The following KCNK2 variants were observed in gnomAD, a reference collection of about 807,000 sequenced individuals.
KCNK2 encodes the protein potassium channel subfamily K member 2.
Under a neutral mutation model 40.5 loss-of-function variants are expected in KCNK2, and 21 were observed. The observed-to-expected ratio is 0.52, with a 90% CI of 0.37 to 0.75. The LOEUF is 0.75. Ranked by LOEUF, KCNK2 falls within the 30% of genes least tolerant of loss-of-function variation. KCNK2 has a pLI of 0.00. For synonymous variants in KCNK2, 191 were observed against 202.2 expected (o/e 0.94, Z 0.47); for missense variants, 399 against 531.6 (o/e 0.75, Z 2.45).
rs66479154 is a variant in KCNK2 at position 215,030,709 on chromosome 1, A to AT, written c.34+24771dup. Among the ~76,000 whole-genome samples, 172 of 140,248 alleles carry AT rather than the reference A, an allele frequency of 1.2e-3. 1 individual carries two copies. Among genetic ancestry groups the AT allele is most frequent in the Middle Eastern group, 3.6e-3 (1 of 276 alleles). The allele number at this position is 140,248 out of a possible 152,430, so 92.0% of individuals were successfully genotyped here. On this transcript the variant is annotated intron_variant, in intron 1 of 6. Coordinates refer to the KCNK2 transcript ENST00000391895. ...ACCACCATACCAAGTTAATTTTTGT[A>AT]TTTTTTTTTTTTTTTTTGGTAGAGA...
At chr1:215,029,852 C>T (rs540016906) in intron 1 of KCNK2, among the ~76,000 whole-genome samples, 1 of 151,972 alleles carries the variant, frequency 6.6e-6, no homozygotes, top group Non-Finnish European at 1.5e-5. Context: ...CAAGTTTTGA[C>T]AATAACGAAT....
chr1:215,107,290 G>C (rs1455398360), intron 2 of KCNK2, among the ~76,000 whole-genome samples: 1 of 151,942 alleles, frequency 6.6e-6, no homozygotes, highest in Non-Finnish European at 1.5e-5. Flanking sequence ...TCTCCTTGTA[G>C]AGACCTTTCA....
chr1:215,089,189 C>G (rs1214113814), intron 2 of KCNK2, among the ~76,000 whole-genome samples: 5 of 152,106 alleles, frequency 3.3e-5, no homozygotes, highest in Non-Finnish European at 5.9e-5. Context: ...CCTCGTAAGT[C>G]TATCTATTGG....
At chr1:215,044,790 AGTGTAT>A (rs1657689065) in intron 1 of KCNK2, among the ~76,000 whole-genome samples, 10 of 110,332 alleles carry the variant, frequency 9.1e-5, no homozygotes, top group African/African-American at 3.3e-4. Context: ...CTTGGGGATA[AGTGTAT>A]GTGTGTGTGT....
intron 6 of KCNK2, among the ~76,000 whole-genome samples, chr1:215,211,456 T>G (rs1393248903): frequency 6.6e-6 from 1 of 152,144 alleles, no homozygotes; most frequent in Non-Finnish European, 1.5e-5. Context: ...CAAGCACCCT[T>G]GGTTCTCCCT....
intron 1 of KCNK2, among the ~76,000 whole-genome samples, chr1:215,075,281 T>A (rs1000109593): frequency 6.6e-6 from 1 of 152,214 alleles, no homozygotes; most frequent in Non-Finnish European, 1.5e-5. Context: ...TTGTTGAATG[T>A]CATATATTTT....
intron 5 of KCNK2, among the ~76,000 whole-genome samples, chr1:215,184,613 T>C (rs1321547038): frequency 6.6e-6 from 1 of 152,106 alleles, no homozygotes; most frequent in African/African-American, 2.4e-5. Flanking sequence ...CTTCTTCACA[T>C]AGTGACAGGG....
At chr1:215,082,699 G>T (rs995311311), upstream of KCNK2, among the ~76,000 whole-genome samples, 9 of 151,972 alleles carry the variant, frequency 5.9e-5, no homozygotes, top group Admixed American at 3.9e-4. Flanking sequence ...GAGACAGGAG[G>T]GGGAGGAGGC....
chr1:215,236,056 CTATCTATCT>C lies in KCNK2; in HGVS notation c.*912_*920del, dbSNP rs1666873018. On this transcript the variant is annotated 3_prime_UTR_variant, in exon 7 of 7. Coordinates refer to ENST00000444842, the MANE Select transcript of KCNK2 (RefSeq NM_001017425.3). ...AGGCAGAAGAAGAAAATCTATCTAT[CTATCTATCT>C]ATCTATCTATCTATCTATCTATCTA... 1.8e-4 allele frequency: 7 copies of C among 39,310 alleles called. No individual in the cohort carries two copies. The highest frequency in any genetic ancestry group is 5.3e-4 in the African/African-American group (7 of 13,160). 2.4% of individuals were successfully genotyped at this position (39,310 alleles called of 1,614,324 possible).
intron 6 of KCNK2, among the ~76,000 whole-genome samples, chr1:215,209,338 AT>A (rs1432690879): frequency 5.1e-5 from 5 of 97,656 alleles, no homozygotes; most frequent in African/African-American, 2.0e-4. Flanking sequence ...TTTTATATAT[AT>A]AATATATATA....
intron 6 of KCNK2, among the ~76,000 whole-genome samples, chr1:215,218,489 A>G (rs1178198646): frequency 6.6e-6 from 1 of 152,228 alleles, no homozygotes. Context: ...AGCTCATGCC[A>G]GAATCCTCTC....
intron 2 of KCNK2, among the ~76,000 whole-genome samples, chr1:215,093,916 TA>T (rs1321589699): frequency 1.0e-4 from 11 of 107,086 alleles, no homozygotes; most frequent in South Asian, 2.6e-4. Flanking sequence ...ATATTATATA[TA>T]AAAATATATA....
chr1:215,152,693 CTGTAGTGATA>C (rs1424118106), intron 3 of KCNK2, among the ~76,000 whole-genome samples: 3 of 152,060 alleles, frequency 2.0e-5, no homozygotes, highest in Non-Finnish European at 4.4e-5. Context: ...TTATTGATTG[CTGTAGTGATA>C]TTTGATTTGT....
At chr1:215,206,289 A>G (rs1272614178) in intron 6 of KCNK2, among the ~76,000 whole-genome samples, 1 of 152,220 alleles carries the variant, frequency 6.6e-6, no homozygotes, top group Non-Finnish European at 1.5e-5. Context: ...CAGATATGGA[A>G]GAGTAGAATA....
chr1:215,099,510 T>G (rs1433641718), intron 2 of KCNK2, among the ~76,000 whole-genome samples: 3 of 152,004 alleles, frequency 2.0e-5, no homozygotes, highest in Non-Finnish European at 4.4e-5. Context: ...AGTTAAAAAG[T>G]TTGTATTCTT....
chr1:215,184,079 C>G (rs553981311), intron 5 of KCNK2, among the ~76,000 whole-genome samples: 1 of 152,126 alleles, frequency 6.6e-6, no homozygotes, highest in Non-Finnish European at 1.5e-5. Context: ...TGTATATCCT[C>G]TCTGGATGAG....
rs114491657 is a variant in KCNK2, at chr1:215,019,703, G to A, written c.34+13748G>A. Reference sequence around the variant, plus strand: ...CCACATACAATCCTTTCTTTGGAGAGGCAAGGAAAGATTGTTAAAAAGATT... The same window carrying A: ...CCACATACAATCCTTTCTTTGGAGAAGCAAGGAAAGATTGTTAAAAAGATT... On this transcript the variant is annotated intron_variant, in intron 1 of 6. Coordinates refer to the KCNK2 transcript ENST00000391895. 4.0e-3 allele frequency among the ~76,000 whole-genome samples: 612 copies of A among 152,280 alleles called. 2 individuals carry two copies. The highest frequency in any genetic ancestry group is 6.8e-3 in the Middle Eastern group (2 of 294).
intron 3 of KCNK2, among the ~76,000 whole-genome samples, chr1:215,164,063 T>C (rs534923492): frequency 2.9e-4 from 44 of 152,320 alleles, no homozygotes; most frequent in African/African-American, 1.0e-3. Context: ...CTTTTTTCGA[T>C]TGGTAGGCTA....
chr1:215,227,889 G>T (rs529884015), intron 6 of KCNK2, among the ~76,000 whole-genome samples: 1 of 151,952 alleles, frequency 6.6e-6, no homozygotes, highest in Non-Finnish European at 1.5e-5. Flanking sequence ...TCAGTAAGAG[G>T]AGGAGCAAGG....
Sources: allele counts gnomAD v4.1 joint callset (sites outside exome capture counted in the v4.1 genomes callset), GRCh38; gene constraint gnomAD v4.1.1; transcripts MANE v1.5; gene names NCBI Gene and HGNC (gene_info 2026-07-23, HGNC 2026-07-21).